The following TNPO3 variants were observed in gnomAD, a reference collection of about 807,000 sequenced individuals.
TNPO3 encodes transportin 3.
Under a neutral mutation model 122.8 loss-of-function variants are expected in TNPO3, and 65 were observed. The observed-to-expected ratio is 0.53, with a 90% confidence interval of 0.43 to 0.65. TNPO3 has a LOEUF of 0.65. TNPO3 is among the 30% of genes least tolerant of loss of function. The pLI, the probability that TNPO3 is intolerant of heterozygous loss-of-function variation, is 0.00. For synonymous variants in TNPO3, 372 were observed against 411.2 expected (o/e 0.90, Z 1.15); for missense variants, 850 against 1,136.7 (o/e 0.75, Z 3.63).
At chr7:128,973,798 T>A (rs1205534107) in intron 18 of TNPO3, among the ~76,000 whole-genome samples, 4 of 32,650 alleles carry the variant, frequency 1.2e-4, no homozygotes, top group African/African-American at 3.7e-4. Flanking sequence ...AACAATTCTA[T>A]CAACTGAAAA....
intron 7 of TNPO3, among the ~76,000 whole-genome samples, chr7:128,998,292 T>C (rs1256986532): frequency 1.3e-5 from 2 of 152,070 alleles, no homozygotes; most frequent in African/African-American, 4.8e-5. Context: ...CCCAGGAGGC[T>C]GAGGCTACAG....
chr7:129,049,668 A>G (rs1201723935), intron 1 of TNPO3, among the ~76,000 whole-genome samples: 2 of 152,208 alleles, frequency 1.3e-5, no homozygotes, highest in Non-Finnish European at 2.9e-5. Context: ...ATCTTTTTTA[A>G]AAAAGGCAAA....
At chr7:128,995,217 G>A (rs533080858) in intron 8 of TNPO3, among the ~76,000 whole-genome samples, 3 of 152,202 alleles carry the variant, frequency 2.0e-5, no homozygotes, top group Non-Finnish European at 4.4e-5. Flanking sequence ...TTTTATGTTT[G>A]CTGTGCATTT....
At chr7:129,014,455 G>C (rs1421685564) in intron 4 of TNPO3, among the ~76,000 whole-genome samples, 2 of 152,088 alleles carry the variant, frequency 1.3e-5, no homozygotes, top group Non-Finnish European at 2.9e-5. Flanking sequence ...CCCAGGAGGA[G>C]GAGGGTGCAG....
chr7:128,976,707 G>A (rs946815107), intron 16 of TNPO3, among the ~76,000 whole-genome samples: 12 of 152,094 alleles, frequency 7.9e-5, no homozygotes, highest in Admixed American at 5.2e-4. Context: ...AGAAACAATT[G>A]TACACTCACC....
chr7:129,001,203 T>C lies in TNPO3; in HGVS notation c.728A>G (p.Glu243Gly). ...QQDKTSSNLH[E>G]AASDCVCSAL... ...TGAGCATACACAGTCCGAAGCAGCT[T>C]CATGTAGGTTAGACGAGGTCTTATC... Residue 243 changes from glutamate (E) to glycine (G), a missense_variant, in exon 6 of 23, where the codon GAA (glutamate) becomes GGA (glycine). By Grantham distance (98) the Glu-to-Gly change is moderately conservative (BLOSUM62 -2). Coordinates refer to ENST00000265388, the MANE Select transcript of TNPO3 (RefSeq NM_012470.4). 6.2e-7 allele frequency: 1 copy of C among 1,613,288 alleles called. No homozygotes were observed. Among genetic ancestry groups the C allele is most frequent in the Non-Finnish European group, 8.5e-7 (1 of 1,179,366 alleles).
rs573690148 is a variant in TNPO3 at position 128,980,468 on chromosome 7, C to T, written c.1860-437G>A. Among the ~76,000 whole-genome samples, 62 of 152,126 alleles carry T rather than the reference C, an allele frequency of 4.1e-4. 1 individual carries two copies. The highest frequency in any genetic ancestry group is 1.3e-3 in the African/African-American group (55 of 41,500). On this transcript the variant is annotated intron_variant, in intron 14 of 22. Coordinates refer to ENST00000265388, the MANE Select transcript of TNPO3 (RefSeq NM_012470.4). ...ACTAAAAATACAAAAATAAGCCGGG[C>T]GTGGTGGCGCATGCCTGTAATCCCA...
chr7:129,056,151 G>T, upstream of TNPO3: 1 of 951,180 alleles, frequency 1.1e-6, no homozygotes, highest in Non-Finnish European at 1.7e-6. Flanking sequence ...TTGTGCTCTC[G>T]CCACTGCGTA....
At chr7:129,029,161 T>G (rs1029545829) in intron 1 of TNPO3, 2 of 185,254 alleles carry the variant, frequency 1.1e-5, no homozygotes, top group African/African-American at 4.8e-5. Flanking sequence ...GATTTGACTG[T>G]GCTAGCAAGG....
At chr7:129,037,723 A>G (rs1806866006) in intron 1 of TNPO3, among the ~76,000 whole-genome samples, 1 of 152,186 alleles carries the variant, frequency 6.6e-6, no homozygotes, top group Admixed American at 6.5e-5. Context: ...GGGGGCAGCA[A>G]AGCATGTCAC....
At chr7:129,046,034 C>G (rs111540230) in intron 1 of TNPO3, among the ~76,000 whole-genome samples, 7,369 of 151,840 alleles carry the variant, frequency 0.049, 602 homozygotes, top group African/African-American at 0.17. Flanking sequence ...CCCATCTCCA[C>G]TAACAATACA....
chr7:128,998,233 G>A (rs1442625617), intron 7 of TNPO3, among the ~76,000 whole-genome samples: 2 of 152,040 alleles, frequency 1.3e-5, no homozygotes, highest in Non-Finnish European at 2.9e-5. Context: ...GGTGGCACAT[G>A]CCTGTATTCC....
chr7:128,955,467 A>T (rs551130488), intron 22 of TNPO3, 82 bp from the exon 23 acceptor site: 12 of 372,372 alleles, frequency 3.2e-5, no homozygotes, highest in South Asian at 2.2e-4. Flanking sequence ...AGAGGTTTCT[A>T]TATTTCCTCA....
chr7:129,047,530 G>T (rs186694857), intron 1 of TNPO3, among the ~76,000 whole-genome samples: 35 of 152,268 alleles, frequency 2.3e-4, no homozygotes, highest in African/African-American at 8.4e-4. Flanking sequence ...TTAGAGCAAT[G>T]AATACAGATT....
chr7:129,044,830 T>C (rs1807828887), intron 1 of TNPO3, among the ~76,000 whole-genome samples: 1 of 152,204 alleles, frequency 6.6e-6, no homozygotes, highest in South Asian at 2.1e-4. Flanking sequence ...AGAATTACCA[T>C]ATGATACAGC....
intron 21 of TNPO3, among the ~76,000 whole-genome samples, chr7:128,963,913 C>T (rs945132800): frequency 2.6e-5 from 4 of 152,078 alleles, no homozygotes; most frequent in East Asian, 1.9e-4. Flanking sequence ...AGTTATGAAA[C>T]GAAAAGAAAA....
rs140121572 is a variant in TNPO3 at position 129,010,122 on chromosome 7, A to G, written c.552+4857T>C. Among the ~76,000 whole-genome samples, 250 of 152,346 alleles carry G rather than the reference A, an allele frequency of 1.6e-3. 5 individuals are homozygous for G. In the East Asian group the frequency reaches 0.039, roughly 23 times the overall value. On this transcript the variant is annotated intron_variant, in intron 4 of 22. Coordinates refer to ENST00000265388, the MANE Select transcript of TNPO3 (RefSeq NM_012470.4). Reference sequence around the variant, plus strand: ...CTCATAAGAATGCCAACTTATATGTACAAGAAATAACAGAAATAGTCAAAT... The same window carrying G: ...CTCATAAGAATGCCAACTTATATGTGCAAGAAATAACAGAAATAGTCAAAT...
At chr7:128,964,600 G>A (rs1797768751) in intron 21 of TNPO3, among the ~76,000 whole-genome samples, 2 of 152,128 alleles carry the variant, frequency 1.3e-5, no homozygotes, top group South Asian at 4.1e-4. Context: ...CTCCCAAAGT[G>A]CTGGGATTAC....
chr7:129,023,289 T>C (rs565757870), intron 1 of TNPO3, among the ~76,000 whole-genome samples: 5 of 152,232 alleles, frequency 3.3e-5, no homozygotes, highest in African/African-American at 9.6e-5. Flanking sequence ...TGAGGTATTT[T>C]ACCTTTAAGT....
Sources: gnomAD v4.1 joint callset for allele counts (sites outside exome capture counted in the v4.1 genomes callset) on GRCh38, gnomAD v4.1.1 for gene constraint, MANE v1.5 for transcripts, NCBI Gene and HGNC (gene_info 2026-07-23, HGNC 2026-07-21) for gene names.